Variants in DOT1L observed in about 807,000 individuals in gnomAD.
The protein encoded by DOT1L is DOT1 like histone lysine methyltransferase, also known as histone-lysine N-methyltransferase, H3 lysine-79 specific.
Under a neutral mutation model 153.3 loss-of-function variants are expected in DOT1L, and 33 were observed. The observed-to-expected ratio is 0.22, with a 90% CI of 0.16 to 0.29. The LOEUF (loss-of-function observed/expected upper bound fraction) is 0.29, where lower values mean the gene tolerates loss of function less well. DOT1L is among the 10% of genes least tolerant of loss of function. The probability of loss-of-function intolerance (pLI) is 1.00; values close to 1 mark genes in which losing one functional copy is unlikely to be tolerated. For missense variants in DOT1L, 1,847 were observed against 2,119.9 expected, an observed-to-expected ratio of 0.87 and a Z score of 2.53; for synonymous variants, 1,135 against 965.1, an observed-to-expected ratio of 1.18 and a Z score of -3.26.
At chr19:2,194,661 A>G in intron 7 of DOT1L, 84 bp downstream of exon 7, 1 of 1,139,138 alleles carries the variant, frequency 8.8e-7, no homozygotes. Flanking sequence ...TTTCTTGCCG[A>G]TGTTGGCACA....
rs542716517 is a variant in DOT1L at position 2,191,167 on chromosome 19, C to G, written c.420C>G (p.Ser140=). 1.2e-6 allele frequency: 2 copies of G among 1,613,836 alleles called. No individual in the cohort carries two copies. The highest frequency in any genetic ancestry group is 8.5e-7 in the Non-Finnish European group (1 of 1,179,982). ...CCCCCGAGGTGTACGGGGAGACCTC[C>G]TTCGACCTGGTGGCCCAGATGATTG... ...PFSPEVYGET[S]FDLVAQMIDE... Residue 140 remains serine, a synonymous_variant, in exon 5 of 28, where the codon TCC becomes TCG. Coordinates refer to ENST00000398665, the MANE Select transcript of DOT1L (RefSeq NM_032482.3). This position sits in a 1 kb window ranked among gnomAD's most constrained non-coding sequence, Gnocchi z 6.8.
In DOT1L at chr19:2,222,517, T is replaced by G; in HGVS notation, c.3348T>G (p.Leu1116=). ...GAGCCCTGCCGTCCGTCGCTGGCCT[T>G]TTCACACAGCCTTCGGGGTCTCCCC... ...KRRALPSVAG[L]FTQPSGSPLN... Residue 1116 remains leucine (L), a synonymous_variant, in exon 24 of 28, where the codon CTT becomes CTG. Coordinates refer to ENST00000398665, the MANE Select transcript of DOT1L (RefSeq NM_032482.3). The surrounding 1 kb of genome is among the most constrained non-coding windows in gnomAD (Gnocchi z 6.5). The G allele has an allele frequency of 6.4e-7, 1 of 1,572,110 alleles. No individual in the cohort carries two copies. Among genetic ancestry groups the G allele is most frequent in the South Asian group, 1.1e-5 (1 of 87,674 alleles).
intron 4 of DOT1L, among the ~76,000 whole-genome samples, 184 bp downstream of exon 4, chr19:2,189,979 G>A (rs144956568): frequency 6.6e-6 from 1 of 152,304 alleles, no homozygotes; most frequent in Non-Finnish European, 1.5e-5. Context: ...GCTGGGCTGT[G>A]TGCTGTGGCC....
intron 26 of DOT1L, 134 bp downstream of exon 26, chr19:2,225,586 G>A (rs1358332763): frequency 1.5e-5 from 15 of 1,006,990 alleles, no homozygotes; most frequent in Middle Eastern, 2.1e-4. Context: ...CGTGTCCTGC[G>A]TGGTGCTGGC....
rs1264831895 is a variant in DOT1L, at chr19:2,214,615, T to C, written c.1923+19T>C. ...GCTGCAGGTGGGCTGCGCGCGAGGC[T>C]GCACTCCGTGGTGTCCGAGCCTCTC... On this transcript the variant is annotated intron_variant, in intron 19 of 27. Coordinates refer to ENST00000398665, the MANE Select transcript of DOT1L (RefSeq NM_032482.3). 2 of 1,608,500 alleles carry C rather than the reference T, an allele frequency of 1.2e-6. No individual in the cohort carries two copies. The highest frequency in any genetic ancestry group is 1.7e-6 in the Non-Finnish European group (2 of 1,177,820).
intron 3 of DOT1L, among the ~76,000 whole-genome samples, chr19:2,187,715 G>C (rs2022581949): frequency 6.6e-6 from 1 of 152,154 alleles, no homozygotes; most frequent in Non-Finnish European, 1.5e-5. Flanking sequence ...GAGGTCAGGA[G>C]ATCGAGACCA....
At position 2,188,215 on chromosome 19, in the gene DOT1L, A is replaced by G. The variant is rs551281547; in HGVS notation, c.201-1517A>G. The G allele has an allele frequency of 7.2e-5, 11 of 152,312 alleles. No individual in the cohort carries two copies. The East Asian group carries it at 2.1e-3, about 29-fold the overall frequency. The allele number at this position is 152,312 out of a possible 1,614,324, so 9.4% of individuals were successfully genotyped here. A position where few individuals can be genotyped will look rare whatever the true frequency, so the allele number is the denominator to read the frequency against. ...TATGCAGCTGCTGGTTAAGGAAAAC[A>G]TGAACTTGGCCTGTGGAGCACTGGT... is the stretch of plus-strand genomic sequence containing the variant. On this transcript the variant is annotated intron_variant, in intron 3 of 27. Coordinates refer to ENST00000398665, the MANE Select transcript of DOT1L (RefSeq NM_032482.3).
intron 8 of DOT1L, 29 bp downstream of exon 8, chr19:2,199,968 T>C (rs374881305): frequency 2.1e-5 from 34 of 1,611,436 alleles, no homozygotes; most frequent in Non-Finnish European, 2.8e-5. Context: ...ATGCAGGGCA[T>C]GTGGGGTGTG....
rs772766775 is a variant in DOT1L, at chr19:2,191,947, C to G, written c.493+707C>G. 6.6e-5 allele frequency among the ~76,000 whole-genome samples: 10 copies of G among 152,180 alleles called. No homozygotes were observed. Among genetic ancestry groups the G allele is most frequent in the Non-Finnish European group, 1.3e-4 (9 of 68,028 alleles). ...CTGGCTGAAGCACAGATGAGCGGCC[C>G]GTACACGAACAGCCTCAGTAGCCTG... is the stretch of plus-strand genomic sequence containing the variant. On this transcript the variant is annotated intron_variant, in intron 5 of 27. Coordinates refer to ENST00000398665, the MANE Select transcript of DOT1L (RefSeq NM_032482.3). The surrounding 1 kb of genome is among the most constrained non-coding windows in gnomAD (Gnocchi z 6.8).
At position 2,216,443 on chromosome 19, in the gene DOT1L, T is replaced by A; in HGVS notation, c.2086T>A (p.Cys696Ser). The A allele has an allele frequency of 6.2e-7, 1 of 1,612,702 alleles. No homozygotes were observed. Among genetic ancestry groups the A allele is most frequent in the Non-Finnish European group, 8.5e-7 (1 of 1,179,936 alleles). ...CAGCCGGCTGCACCTGGAGCTGGAC[T>A]GCACCAAGTTCTCGCTGCCTCACTT... ...DASRLHLELD[C>S]TKFSLPHLSS... The change falls in exon 20 of 28, where the codon TGC becomes AGC. Residue 696 changes from cysteine (C) to serine (S), a missense_variant. Cys to Ser is a moderately radical substitution (Grantham distance 112). This residue lies in a region of DOT1L where 281 missense variants were observed against 263.6 expected (regional missense o/e 1.07). Transcript: ENST00000398665.
At position 2,176,996 on chromosome 19, in the gene DOT1L, C is replaced by G. The variant is rs569972125; in HGVS notation, c.82-3717C>G. On this transcript the variant is annotated intron_variant, in intron 1 of 27. Coordinates refer to ENST00000398665, the MANE Select transcript of DOT1L (RefSeq NM_032482.3). Reference sequence around the variant, plus strand: ...CAGGCCCAGCACCCCTTCCTCCCGCCCCCAGCCCCTATCCAGAGAGCAGGC... The same window carrying G: ...CAGGCCCAGCACCCCTTCCTCCCGCGCCCAGCCCCTATCCAGAGAGCAGGC... Among the ~76,000 whole-genome samples, 227 of 152,320 alleles carry G rather than the reference C, an allele frequency of 1.5e-3. 1 individual carries two copies. Among genetic ancestry groups the G allele is most frequent in the African/African-American group, 5.3e-3 (219 of 41,572 alleles).
intron 1 of DOT1L, among the ~76,000 whole-genome samples, chr19:2,166,796 A>G (rs760033433): frequency 4.6e-5 from 7 of 152,104 alleles, no homozygotes; most frequent in Non-Finnish European, 8.8e-5. Flanking sequence ...CGTTTTGACA[A>G]ACTCATTGGG....
At position 2,227,777 on chromosome 19, in the gene DOT1L, G is replaced by A. The variant is rs772842867; in HGVS notation, c.4606+650G>A. ...CGGTGCCCTCCGCCTCTGCTCATCC[G>A]TTTGGAGCCCGTGTCGGCCGCGGGG... On this transcript the variant is annotated intron_variant, in intron 27 of 27. Coordinates refer to ENST00000398665, the MANE Select transcript of DOT1L (RefSeq NM_032482.3). 6 of 1,319,210 alleles carry A rather than the reference G, an allele frequency of 4.5e-6. No individual in the cohort carries two copies. The African/African-American group carries it at 7.6e-5, about 17-fold the overall frequency. The allele number at this position is 1,319,210 out of a possible 1,614,324, so 81.7% of individuals were successfully genotyped here.
At position 2,230,745 on chromosome 19, in the gene DOT1L, G is replaced by A. The variant is rs1599636866; in HGVS notation, c.*953G>A. 2.5e-6 allele frequency: 1 copy of A among 397,432 alleles called. No individual in the cohort carries two copies. Among genetic ancestry groups the A allele is most frequent in the Admixed American group, 4.4e-5 (1 of 22,706 alleles). The allele number at this position is 397,432 out of a possible 1,614,324, so 24.6% of individuals were successfully genotyped here. A position where few individuals can be genotyped will look rare whatever the true frequency, so the allele number is the denominator to read the frequency against. ...CACAGTGAAGAGGAAAGAAAAGCGA[G>A]GGGAAAAAACCTTATTTATTCAAAC... On this transcript the variant is annotated 3_prime_UTR_variant, in exon 28 of 28. Coordinates refer to ENST00000398665, the MANE Select transcript of DOT1L (RefSeq NM_032482.3).
chr19:2,217,989 G>T lies in DOT1L; in HGVS notation c.2691+71G>T. 6.4e-6 allele frequency: 10 copies of T among 1,552,400 alleles called. No homozygotes were observed. The highest frequency in any genetic ancestry group is 7.8e-6 in the Non-Finnish European group (9 of 1,149,856). On this transcript the variant is annotated intron_variant, in intron 22 of 27. Coordinates refer to ENST00000398665, the MANE Select transcript of DOT1L (RefSeq NM_032482.3). This position sits in a 1 kb window ranked among gnomAD's most constrained non-coding sequence, Gnocchi z 7.3. Reference sequence around the variant, plus strand: ...AAACAGTCTGGGGTGCTCGAGACCTGGCTCACTTTGCGAAGTCTCACGCTG... The same window carrying T: ...AAACAGTCTGGGGTGCTCGAGACCTTGCTCACTTTGCGAAGTCTCACGCTG...
At chr19:2,229,415 G>C (rs1399275807) in intron 27 of DOT1L, 1 of 985,376 alleles carries the variant, frequency 1.0e-6, no homozygotes, top group Non-Finnish European at 1.2e-6. Context: ...AGGAGCCAAG[G>C]CGGAGGCTGT....
intron 25 of DOT1L, among the ~76,000 whole-genome samples, chr19:2,225,082 C>A (rs1003999906): frequency 5.9e-5 from 9 of 152,238 alleles, no homozygotes; most frequent in Non-Finnish European, 8.8e-5. Context: ...GGGATTCTCA[C>A]ACTTCTGTGT....
At chr19:2,229,485 C>G in intron 27 of DOT1L, 1 of 985,484 alleles carries the variant, frequency 1.0e-6, no homozygotes, top group Non-Finnish European at 1.2e-6. Flanking sequence ...ACAAGCTATG[C>G]TGGGTCTCTT....
chr19:2,200,647 C>T (rs1372887840), intron 8 of DOT1L, among the ~76,000 whole-genome samples: 1 of 152,160 alleles, frequency 6.6e-6, no homozygotes, highest in African/African-American at 2.4e-5. Flanking sequence ...TCCCGCCATC[C>T]TCCCTGCTCC....
Sources: gnomAD v4.1 joint callset for allele counts (sites outside exome capture counted in the v4.1 genomes callset) on GRCh38, gnomAD v4.1.1 for gene constraint, gnomAD v4.1.1 regional missense constraint, Gnocchi (gnomAD v3.1) non-coding constraint, MANE v1.5 for transcripts, NCBI Gene and HGNC (gene_info 2026-07-23, HGNC 2026-07-21) for gene names.